The following LARGE1 variants were observed in gnomAD, a reference collection of about 807,000 sequenced individuals.
The protein encoded by LARGE1 is LARGE xylosyl- and glucuronyltransferase 1, also known as xylosyl- and glucuronyltransferase LARGE1.
In LARGE1, 43 loss-of-function variants were observed where a neutral mutation model predicts 87.6. The ratio of observed to expected loss-of-function variants is 0.49; its 90% confidence interval spans 0.38 to 0.63. The LOEUF is 0.63. Among genes scored for constraint, LARGE1 ranks in the 30% least tolerant of loss-of-function variants. The pLI, the probability that LARGE1 is intolerant of heterozygous loss-of-function variation, is 0.00. For missense variants in LARGE1, 802 were observed against 1,000.2 expected, an observed-to-expected ratio of 0.80 and a Z score of 2.67; for synonymous variants, 434 against 394.6, an observed-to-expected ratio of 1.10 and a Z score of -1.18.
intron 6 of LARGE1, among the ~76,000 whole-genome samples, chr22:33,510,388 C>T (rs911867598): frequency 4.6e-5 from 7 of 152,170 alleles, no homozygotes; most frequent in Admixed American, 4.6e-4. Flanking sequence ...GAGAGGAGAC[C>T]TCTAACAATT....
At chr22:33,716,539 G>A (rs1299984940) in intron 2 of LARGE1, among the ~76,000 whole-genome samples, 1 of 152,110 alleles carries the variant, frequency 6.6e-6, no homozygotes, top group Non-Finnish European at 1.5e-5. Context: ...TGGGACCACA[G>A]GCAAGTACCA....
chr22:33,733,736 T>A (rs950818998), intron 2 of LARGE1: 2 of 152,144 alleles, frequency 1.3e-5, no homozygotes, highest in Admixed American at 1.3e-4. Flanking sequence ...GCCATCACAG[T>A]ATATTTAGGG....
At chr22:33,702,535 G>A (rs184829526) in intron 2 of LARGE1, among the ~76,000 whole-genome samples, 3 of 152,150 alleles carry the variant, frequency 2.0e-5, no homozygotes, top group African/African-American at 7.2e-5. Context: ...TTAGACAGTC[G>A]AAGGGACAGG....
chr22:33,557,975 C>A (rs1358129757), intron 6 of LARGE1, among the ~76,000 whole-genome samples: 1 of 152,236 alleles, frequency 6.6e-6, no homozygotes, highest in African/African-American at 2.4e-5. Context: ...CCTTTCCCAG[C>A]TGAATTCCAG....
At chr22:33,157,265 T>A (rs190478369), downstream of LARGE1, among the ~76,000 whole-genome samples, 1 of 152,344 alleles carries the variant, frequency 6.6e-6, no homozygotes, top group East Asian at 1.9e-4. Context: ...AGCTGAGAGA[T>A]TAACCTTCTG....
At chr22:33,739,871 G>A (rs1227103788) in intron 2 of LARGE1, among the ~76,000 whole-genome samples, 1 of 152,220 alleles carries the variant, frequency 6.6e-6, no homozygotes, top group Non-Finnish European at 1.5e-5. Flanking sequence ...GGGATGAGAT[G>A]AGAGCACCTC....
chr22:33,078,693 A>G, the LARGE1 span, among the ~76,000 whole-genome samples: 1 of 152,174 alleles, frequency 6.6e-6, no homozygotes, highest in East Asian at 1.9e-4. Flanking sequence ...ATTAGCCTTT[A>G]TTTTGTGCCA....
At chr22:33,160,768 C>T (rs572166622), downstream of LARGE1, among the ~76,000 whole-genome samples, 1 of 152,224 alleles carries the variant, frequency 6.6e-6, no homozygotes, top group South Asian at 2.1e-4. Flanking sequence ...CCTTTTCATA[C>T]AGCATTTGCT....
intron 7 of LARGE1, among the ~76,000 whole-genome samples, chr22:33,395,071 A>G (rs1468802009): frequency 6.6e-6 from 1 of 152,050 alleles, no homozygotes; most frequent in Non-Finnish European, 1.5e-5. Flanking sequence ...TACTAAAAAT[A>G]CAAAAAAATT....
chr22:33,329,842 C>A (rs1254190626), intron 10 of LARGE1, among the ~76,000 whole-genome samples: 2 of 152,022 alleles, frequency 1.3e-5, no homozygotes, highest in Non-Finnish European at 2.9e-5. Context: ...TGGAGCAAGA[C>A]CCTCTTGATG....
Position 33,277,256 on chromosome 22 carries a change from C to G in LARGE1, c.1878-1G>C. 1 of 1,614,070 alleles carries G rather than the reference C, an allele frequency of 6.2e-7. No homozygotes were observed. Among genetic ancestry groups the G allele is most frequent in the Non-Finnish European group, 8.5e-7 (1 of 1,179,962 alleles). On this transcript the variant is annotated splice_acceptor_variant, in intron 13 of 14. Transcript: ENST00000397394. LOFTEE classifies it high-confidence loss of function. ...GTGGCCTTTCGTCCAGACGTGGTAC[C>G]TGAGACACACGGAGAAAAGCCATTG...
At chr22:33,575,120 A>T (rs1427799606) in intron 5 of LARGE1, among the ~76,000 whole-genome samples, 4 of 152,126 alleles carry the variant, frequency 2.6e-5, no homozygotes, top group Non-Finnish European at 4.4e-5. Context: ...ACCCCGGGTG[A>T]TTCAAAAGCA....
the LARGE1 span, among the ~76,000 whole-genome samples, chr22:33,121,958 C>G: frequency 1.2e-3 from 186 of 152,226 alleles, no homozygotes; most frequent in Admixed American, 2.4e-3. Flanking sequence ...AGACCCACCC[C>G]CATGGTTCAA....
At chr22:33,777,676 A>G (rs1374175990) in intron 1 of LARGE1, among the ~76,000 whole-genome samples, 109 of 90,374 alleles carry the variant, frequency 1.2e-3, no homozygotes, top group African/African-American at 6.3e-3. Context: ...AAGGGGAAGG[A>G]GAAGGAGAAG....
intron 9 of LARGE1, among the ~76,000 whole-genome samples, chr22:33,362,278 G>A (rs2064415052): frequency 6.7e-6 from 1 of 149,388 alleles, no homozygotes; most frequent in Non-Finnish European, 1.5e-5. Flanking sequence ...AGCACTCAAG[G>A]GGCATGGCTG....
At position 33,372,575 on chromosome 22, in the gene LARGE1, G is replaced by A. The variant is rs118066793; in HGVS notation, c.1131+9344C>T. Among the ~76,000 whole-genome samples the A allele has an allele frequency of 4.6e-5, 7 of 152,196 alleles. No individual in the cohort carries two copies. The East Asian group carries it at 9.7e-4, about 21-fold the overall frequency. ...ACTTCTTATAAAACCATCAGATCTC[G>A]TAAGACCTATTTACTACCATGAGAA... On this transcript the variant is annotated intron_variant, in intron 9 of 14. Transcript: ENST00000397394.
chr22:33,081,204 T>A, the LARGE1 span, among the ~76,000 whole-genome samples: 8 of 152,360 alleles, frequency 5.3e-5, no homozygotes, highest in Admixed American at 5.2e-4. Flanking sequence ...AGCTGGCACC[T>A]TGATCTTGGA....
rs71187279 is a variant in LARGE1 at position 33,763,838 on chromosome 22, C to CTT, written c.-82-2282_-82-2281dup. 5.2e-4 allele frequency among the ~76,000 whole-genome samples: 37 copies of CTT among 71,190 alleles called. 4 individuals are homozygous for CTT. The highest frequency in any genetic ancestry group is 6.8e-4 in the Non-Finnish European group (27 of 39,822). 46.7% of individuals were successfully genotyped at this position (71,190 alleles called of 152,430 possible). ...CAGAAAAGCAGCCTTAATTAGTTTG[C>CTT]TTTTTTTTTTTTTTTTTTTTTTTTT... On this transcript the variant is annotated intron_variant, in intron 1 of 14. Transcript: ENST00000397394.
At chr22:33,472,486 C>T (rs889938096) in intron 6 of LARGE1, among the ~76,000 whole-genome samples, 3 of 151,926 alleles carry the variant, frequency 2.0e-5, no homozygotes, top group African/African-American at 7.3e-5. Context: ...ATTTTGGAAA[C>T]CTCTGCAGGT....
Sources: allele counts gnomAD v4.1 joint callset (sites outside exome capture counted in the v4.1 genomes callset), GRCh38; gene constraint gnomAD v4.1.1; transcripts MANE v1.5; gene names NCBI Gene and HGNC (gene_info 2026-07-23, HGNC 2026-07-21).